LINGO2: variants seen among roughly 807,000 people sequenced by gnomAD.
LINGO2 encodes the protein leucine rich repeat and Ig domain containing 2.
In LINGO2, 14 loss-of-function variants were observed where a neutral mutation model predicts 30.6. The ratio of observed to expected loss-of-function variants is 0.46; its 90% confidence interval spans 0.30 to 0.72. LINGO2 has a LOEUF of 0.72. Among genes scored for constraint, LINGO2 ranks in the 30% least tolerant of loss-of-function variants. The pLI, the probability that LINGO2 is intolerant of heterozygous loss-of-function variation, is 0.07. For missense variants in LINGO2, 729 were observed against 751.7 expected, an observed-to-expected ratio of 0.97 and a Z score of 0.35; for synonymous variants, 317 against 288.5, an observed-to-expected ratio of 1.10 and a Z score of -1.00.
chr9:27,978,762 G>T (rs1310424289), intron 5 of LINGO2, among the ~76,000 whole-genome samples: 1 of 151,840 alleles, frequency 6.6e-6, no homozygotes, highest in African/African-American at 2.4e-5. Flanking sequence ...CCAGCACCAA[G>T]GCCTAAGACA....
the LINGO2 span, among the ~76,000 whole-genome samples, chr9:28,879,299 G>A: frequency 6.6e-6 from 1 of 152,078 alleles, no homozygotes; most frequent in Non-Finnish European, 1.5e-5. Context: ...AAAATGACAT[G>A]TCCAAAGGCA....
the LINGO2 span, among the ~76,000 whole-genome samples, chr9:28,967,961 GT>G: frequency 6.6e-6 from 1 of 152,154 alleles, no homozygotes; most frequent in African/African-American, 2.4e-5. Flanking sequence ...GTACTACTTT[GT>G]TTTATTCAAA....
At chr9:28,522,440 C>T (rs2135403318) in intron 1 of LINGO2, among the ~76,000 whole-genome samples, 1 of 152,250 alleles carries the variant, frequency 6.6e-6, no homozygotes, top group Middle Eastern at 3.4e-3. Flanking sequence ...TGCAAACTCT[C>T]TTGAACTCAT....
At chr9:28,272,705 G>C (rs749080425) in intron 4 of LINGO2, among the ~76,000 whole-genome samples, 7 of 151,620 alleles carry the variant, frequency 4.6e-5, no homozygotes, top group Admixed American at 6.6e-5. Context: ...AAACTACAAG[G>C]CTTATAAAAA....
intron 4 of LINGO2, among the ~76,000 whole-genome samples, chr9:28,184,431 T>C (rs1295572827): frequency 6.6e-6 from 1 of 152,130 alleles, no homozygotes; most frequent in Non-Finnish European, 1.5e-5. Flanking sequence ...TATTGTTTTG[T>C]CTAAGGCTGC....
the LINGO2 span, among the ~76,000 whole-genome samples, chr9:28,684,266 C>A: frequency 7.9e-6 from 1 of 126,948 alleles, no homozygotes; most frequent in Non-Finnish European, 1.6e-5. Flanking sequence ...CGGCTCACTG[C>A]AAGCTCCGCC....
chr9:28,091,533 C>A (rs932383842), intron 4 of LINGO2, among the ~76,000 whole-genome samples: 3 of 152,110 alleles, frequency 2.0e-5, no homozygotes, highest in South Asian at 2.1e-4. Context: ...TTCCTTATAC[C>A]TTATACAAAA....
intron 1 of LINGO2, among the ~76,000 whole-genome samples, chr9:28,609,253 G>C (rs1057036298): frequency 6.6e-6 from 1 of 150,846 alleles, no homozygotes; most frequent in Non-Finnish European, 1.5e-5. Flanking sequence ...TTCTAGCAAG[G>C]ATGCAAAATA....
At chr9:28,807,185 C>T in the LINGO2 span, among the ~76,000 whole-genome samples, 26 of 151,816 alleles carry the variant, frequency 1.7e-4, no homozygotes, top group African/African-American at 3.9e-4. Context: ...TCACCACGCC[C>T]GGCTAATTTT....
At chr9:28,214,879 T>C (rs1247154555) in intron 4 of LINGO2, among the ~76,000 whole-genome samples, 1 of 151,702 alleles carries the variant, frequency 6.6e-6, no homozygotes, top group Non-Finnish European at 1.5e-5. Flanking sequence ...TAAAATGTAA[T>C]TTAATTATAA....
the LINGO2 span, among the ~76,000 whole-genome samples, chr9:29,022,302 GA>G: frequency 6.6e-6 from 1 of 152,178 alleles, no homozygotes; most frequent in East Asian, 1.9e-4. Flanking sequence ...TAGTCCCAGG[GA>G]AAGTGTTTCT....
At chr9:28,769,451 C>A in the LINGO2 span, among the ~76,000 whole-genome samples, 1 of 116,572 alleles carries the variant, frequency 8.6e-6, no homozygotes, top group Non-Finnish European at 1.7e-5. Context: ...TTCCCTGTCC[C>A]CAGTTACATG....
intron 5 of LINGO2, among the ~76,000 whole-genome samples, chr9:28,003,364 TAGATAGATAGA>T (rs1319473287): frequency 5.4e-5 from 8 of 148,514 alleles, no homozygotes; most frequent in African/African-American, 2.0e-4. Context: ...GATAGATAGA[TAGATAGATAGA>T]TAGATAGATA....
intron 3 of LINGO2, among the ~76,000 whole-genome samples, chr9:28,310,998 A>AT: frequency 6.6e-6 from 1 of 152,168 alleles, no homozygotes; most frequent in Non-Finnish European, 1.5e-5. Context: ...ATATTGGGCG[A>AT]AATTCACCCC....
At chr9:28,018,835 T>C (rs930404783) in intron 4 of LINGO2, among the ~76,000 whole-genome samples, 1 of 152,182 alleles carries the variant, frequency 6.6e-6, no homozygotes, top group Non-Finnish European at 1.5e-5. Flanking sequence ...CAACCCATTA[T>C]TGGGTATATA....
intron 3 of LINGO2, among the ~76,000 whole-genome samples, chr9:28,371,360 T>C: frequency 6.6e-6 from 1 of 152,304 alleles, no homozygotes. Flanking sequence ...CTCATTGTTC[T>C]GGAGTCTGGG....
At chr9:28,701,738 C>T in the LINGO2 span, among the ~76,000 whole-genome samples, 1 of 151,894 alleles carries the variant, frequency 6.6e-6, no homozygotes, top group Non-Finnish European at 1.5e-5. Flanking sequence ...AAAAAAATGA[C>T]ATCTTGACAA....
At chr9:29,196,217 T>C in the LINGO2 span, among the ~76,000 whole-genome samples, 2 of 152,062 alleles carry the variant, frequency 1.3e-5, no homozygotes, top group African/African-American at 2.4e-5. Flanking sequence ...TACATATGCT[T>C]CCTATCCACA....
At chr9:28,568,192 A>C (rs1823488891) in intron 1 of LINGO2, among the ~76,000 whole-genome samples, 1 of 152,110 alleles carries the variant, frequency 6.6e-6, no homozygotes, top group Non-Finnish European at 1.5e-5. Flanking sequence ...CTAGTTTGCC[A>C]CTGGAGCAAA....
Sources: allele counts gnomAD v4.1 joint callset (sites outside exome capture counted in the v4.1 genomes callset), GRCh38; gene constraint gnomAD v4.1.1; transcripts MANE v1.5; gene names NCBI Gene and HGNC (gene_info 2026-07-23, HGNC 2026-07-21).